CHID1: variants seen among roughly 807,000 people sequenced by gnomAD.
CHID1 encodes chitinase domain-containing protein 1.
A neutral mutation model predicts 55.4 loss-of-function variants in CHID1; 44 were observed. The ratio of observed to expected loss-of-function variants is 0.79; its 90% confidence interval spans 0.62 to 1.02. CHID1 has a LOEUF of 1.02. CHID1 is among the 50% of genes least tolerant of loss of function. The probability of loss-of-function intolerance (pLI) is 0.00; values close to 1 mark genes in which losing one functional copy is unlikely to be tolerated. For missense variants in CHID1, 491 were observed against 515.3 expected, an observed-to-expected ratio of 0.95 and a Z score of 0.46; for synonymous variants, 216 against 212.9, an observed-to-expected ratio of 1.01 and a Z score of -0.13.
At chr11:871,411 TCACA>T (rs1383464673) in intron 10 of CHID1, among the ~76,000 whole-genome samples, 2 of 151,420 alleles carry the variant, frequency 1.3e-5, no homozygotes, top group East Asian at 1.9e-4. Flanking sequence ...ACCCCCTCCT[TCACA>T]CAGAGGACAG....
chr11:869,628 G>A lies in CHID1; in HGVS notation c.*230C>T, dbSNP rs2134093532. 1 of 585,628 alleles carries A rather than the reference G, an allele frequency of 1.7e-6. No homozygotes were observed. The highest frequency in any genetic ancestry group is 3.0e-6 in the Non-Finnish European group (1 of 328,584). 36.3% of individuals were successfully genotyped at this position (585,628 alleles called of 1,614,324 possible). A position where few individuals can be genotyped will look rare whatever the true frequency, so the allele number is the denominator to read the frequency against. On this transcript the variant is annotated 3_prime_UTR_variant, in exon 13 of 13. Coordinates refer to ENST00000323578, the MANE Select transcript of CHID1 (RefSeq NM_023947.4). ...CCCAGCTGACAGGAGGCAGCCAGCG[G>A]ATGCCCGGGTGGGAGGGGCTCGAGC...
At chr11:870,087 C>T (rs376509515) in intron 12 of CHID1, 34 bp downstream of exon 12, 3 of 1,611,978 alleles carry the variant, frequency 1.9e-6, no homozygotes, top group Non-Finnish European at 2.5e-6. Context: ...ATGGCCCACC[C>T]CTCCCCCGGT....
intron 8 of CHID1, among the ~76,000 whole-genome samples, chr11:886,281 AAG>A (rs1311834322): frequency 1.3e-5 from 2 of 151,636 alleles, no homozygotes; most frequent in Admixed American, 6.6e-5. Flanking sequence ...GGAACACAGC[AAG>A]ACTCTGTCTC....
chr11:883,799 C>T (rs1850180546), intron 9 of CHID1, among the ~76,000 whole-genome samples: 1 of 152,260 alleles, frequency 6.6e-6, no homozygotes, highest in South Asian at 2.1e-4. Flanking sequence ...GACAGGGCGG[C>T]ATCGGGCAGC....
intron 8 of CHID1, among the ~76,000 whole-genome samples, chr11:885,032 C>G (rs544744469): frequency 6.6e-6 from 1 of 152,228 alleles, no homozygotes; most frequent in Non-Finnish European, 1.5e-5. Context: ...AGGTCAACAC[C>G]GAGGGGGCGG....
Position 870,471 on chromosome 11 carries a change from G to A in CHID1, c.988C>T (p.Pro330Ser), listed in dbSNP as rs774142546. 1.5e-5 allele frequency: 24 copies of A among 1,611,716 alleles called. No individual in the cohort carries two copies. The South Asian group carries it at 2.5e-4, about 17-fold the overall frequency. Residue 330 changes from proline (P) to serine (S), a missense_variant, in exon 11 of 13, where the codon CCC (proline) becomes TCC (serine). Transcript: ENST00000323578. ...RYIQTLKDHR[P>S]RMVWDSQASE... ...GCCTGGCTGTCCCACACCATCCGGG[G>A]CCTGTGGTCCTTCAGTGTCTGGATG...
chr11:890,963 C>T (rs978078772), intron 8 of CHID1, among the ~76,000 whole-genome samples: 7 of 151,116 alleles, frequency 4.6e-5, no homozygotes, highest in Admixed American at 1.3e-4. Context: ...CTGGAGAGAG[C>T]GAGCCTGTGT....
intron 7 of CHID1, among the ~76,000 whole-genome samples, chr11:896,498 A>T (rs1181567304): frequency 3.2e-5 from 4 of 123,544 alleles, no homozygotes; most frequent in Admixed American, 8.0e-5. Flanking sequence ...CCCAGACATG[A>T]GGCTGTCTCA....
chr11:883,430 G>C, intron 9 of CHID1, 127 bp from the exon 10 acceptor site: 1 of 1,000,544 alleles, frequency 1.0e-6, no homozygotes, highest in South Asian at 1.6e-5. Context: ...GAGTTGTAAA[G>C]AACAGAAGTC....
chr11:910,874 A>G, upstream of CHID1: 1 of 1,064,868 alleles, frequency 9.4e-7, no homozygotes, highest in Non-Finnish European at 1.1e-6. Flanking sequence ...GCCGCCGCGC[A>G]CGGCACGCTG....
chr11:905,998 A>G (rs924161068), intron 1 of CHID1, among the ~76,000 whole-genome samples: 4 of 152,230 alleles, frequency 2.6e-5, no homozygotes, highest in African/African-American at 9.6e-5. Context: ...AAATCTCACA[A>G]ATCAAGAAAA....
intron 7 of CHID1, among the ~76,000 whole-genome samples, chr11:898,141 C>G (rs1589881033): frequency 6.6e-6 from 1 of 152,206 alleles, no homozygotes; most frequent in African/African-American, 2.4e-5. Context: ...TCCTGCCCTA[C>G]CCCTCATGGG....
At chr11:877,069 G>C (rs1220465633) in intron 10 of CHID1, among the ~76,000 whole-genome samples, 1 of 152,190 alleles carries the variant, frequency 6.6e-6, no homozygotes, top group Non-Finnish European at 1.5e-5. Context: ...TCAGCTGGGA[G>C]TGAGGACCCA....
At chr11:872,602 C>T (rs1849252393) in intron 10 of CHID1, among the ~76,000 whole-genome samples, 2 of 152,202 alleles carry the variant, frequency 1.3e-5, no homozygotes, top group African/African-American at 4.8e-5. Flanking sequence ...TCCAGAAGCC[C>T]CTCCAGACCA....
upstream of CHID1, chr11:911,234 G>C (rs1852668755): frequency 6.6e-6 from 1 of 151,728 alleles, no homozygotes; most frequent in African/African-American, 2.4e-5. Context: ...ACCACTCCTG[G>C]CGTCCCCCCG....
chr11:880,162 C>T (rs974561208), intron 10 of CHID1, among the ~76,000 whole-genome samples: 2 of 152,248 alleles, frequency 1.3e-5, no homozygotes, highest in African/African-American at 4.8e-5. Flanking sequence ...GCCAGGGGCC[C>T]TGGGGCATCG....
chr11:897,514 C>T (rs1054218743), intron 7 of CHID1, among the ~76,000 whole-genome samples: 20 of 152,232 alleles, frequency 1.3e-4, no homozygotes, highest in Non-Finnish European at 2.6e-4. Context: ...CTGCCCACGG[C>T]TCAGCAAGAA....
In CHID1 at chr11:901,120, C is replaced by T. The variant is rs376160317; in HGVS notation, c.395-140G>A. The stretch of plus-strand genomic sequence containing the variant: ...CGGGCAGGCAGGTGTGAGAACCCAC[C>T]CCTCCCTGGCCCAGGGCTGGCTCTC... On this transcript the variant is annotated intron_variant, in intron 4 of 12. Coordinates refer to ENST00000323578, the MANE Select transcript of CHID1 (RefSeq NM_023947.4). The T allele has an allele frequency of 5.4e-4, 348 of 649,260 alleles. 1 individual carries two copies. The African/African-American group carries it at 6.1e-3, about 11-fold the overall frequency. 40.2% of individuals were successfully genotyped at this position (649,260 alleles called of 1,614,324 possible).
chr11:893,974 T>C (rs1198024677), intron 7 of CHID1, among the ~76,000 whole-genome samples: 1 of 151,570 alleles, frequency 6.6e-6, no homozygotes, highest in East Asian at 1.9e-4. Flanking sequence ...ACACAAAGAT[T>C]AGCAGGGTGT....
Sources: allele counts gnomAD v4.1 joint callset (sites outside exome capture counted in the v4.1 genomes callset), GRCh38; gene constraint gnomAD v4.1.1; transcripts MANE v1.5; gene names NCBI Gene and HGNC (gene_info 2026-07-23, HGNC 2026-07-21).